ART1: variants seen among roughly 807,000 people sequenced by gnomAD.
The protein encoded by ART1 is GPI-linked NAD(P)(+)--arginine ADP-ribosyltransferase 1.
In ART1, 29 loss-of-function variants were observed where a neutral mutation model predicts 27.0. The ratio of observed to expected loss-of-function variants is 1.08; its 90% CI spans 0.80 to 1.47. The LOEUF (loss-of-function observed/expected upper bound fraction) is 1.47, where lower values mean the gene tolerates loss of function less well. Among genes scored for constraint, ART1 ranks in the 40% most tolerant of loss-of-function variants. ART1 has a pLI of 0.00. For missense variants in ART1, 480 were observed against 423.0 expected (o/e 1.13, Z -1.18); for synonymous variants, 201 against 172.2 (o/e 1.17, Z -1.31).
intron 3 of ART1, 32 bp downstream of exon 3, chr11:3,660,395 C>G (rs751044850): frequency 6.4e-7 from 1 of 1,572,712 alleles, no homozygotes; most frequent in Admixed American, 1.7e-5. Flanking sequence ...GGCACCTGTG[C>G]GGAAGGTGGA....
intron 1 of ART1, among the ~76,000 whole-genome samples, chr11:3,648,514 C>T (rs1006480657): frequency 1.3e-5 from 2 of 152,172 alleles, no homozygotes; most frequent in African/African-American, 2.4e-5. Flanking sequence ...AACCTCTTTC[C>T]CCTTTCAATC....
rs545730767 is a variant in ART1, at chr11:3,659,974, A to G, written c.455A>G (p.Lys152Arg). The change falls in exon 3 of 5, where the codon AAG (lysine) becomes AGG (arginine). Residue 152 changes from lysine (K) to arginine (R), a missense_variant. By Grantham distance (26) the Lys-to-Arg change is conservative. Coordinates refer to ENST00000250693, the MANE Select transcript of ART1 (RefSeq NM_004314.3). ...RAHYLHHFSF[K>R]TLHFLLTEAL... Reference sequence around the variant, plus strand: ...CACTACCTCCACCACTTCTCCTTCAAGACACTCCATTTCCTGCTGACTGAG... The same window carrying G: ...CACTACCTCCACCACTTCTCCTTCAGGACACTCCATTTCCTGCTGACTGAG... The G allele has an allele frequency of 7.4e-6, 12 of 1,614,002 alleles. No individual in the cohort carries two copies. Among genetic ancestry groups the G allele is most frequent in the Middle Eastern group, 1.6e-4 (1 of 6,062 alleles).
intron 4 of ART1, among the ~76,000 whole-genome samples, chr11:3,663,440 TC>T (rs1315567507): frequency 1.3e-5 from 2 of 152,174 alleles, no homozygotes; most frequent in Non-Finnish European, 2.9e-5. Flanking sequence ...CCACAGCAGA[TC>T]CCACTCTGAT....
chr11:3,655,209 C>G (rs963149292), intron 1 of ART1, among the ~76,000 whole-genome samples: 1 of 152,150 alleles, frequency 6.6e-6, no homozygotes, highest in Non-Finnish European at 1.5e-5. Flanking sequence ...AAGAATCTTC[C>G]AAAGAAAAGA....
rs150462911 is a variant in ART1 at position 3,660,033 on chromosome 11, C to T, written c.514C>T (p.Pro172Ser). The stretch of plus-strand genomic sequence containing the variant: ...GCTCCTGGGCAGCGGCCAGCGTCCA[C>T]CCCGGTGCCACCAGGTGTTCCGAGG... ...LQLLGSGQRP[P>S]RCHQVFRGVH... The change falls in exon 3 of 5, where the codon CCC becomes TCC. Residue 172 changes from proline to serine, a missense_variant. Pro to Ser is a moderately conservative substitution (Grantham distance 74). Transcript: ENST00000250693. The T allele has an allele frequency of 1.2e-6, 2 of 1,613,692 alleles. No homozygotes were observed. The highest frequency in any genetic ancestry group is 1.7e-6 in the Non-Finnish European group (2 of 1,179,948).
chr11:3,654,989 A>C (rs1350501146), intron 1 of ART1, among the ~76,000 whole-genome samples: 1 of 152,194 alleles, frequency 6.6e-6, no homozygotes, highest in Non-Finnish European at 1.5e-5. Context: ...CTGCATAACT[A>C]TTTTGCCGTG....
At chr11:3,658,388 C>A (rs1271184531) in intron 1 of ART1, among the ~76,000 whole-genome samples, 2 of 151,866 alleles carry the variant, frequency 1.3e-5, no homozygotes, top group African/African-American at 4.8e-5. Context: ...CTGCTCCAAT[C>A]CAGACCCAAT....
intron 1 of ART1, among the ~76,000 whole-genome samples, chr11:3,646,111 C>T (rs186725893): frequency 6.6e-6 from 1 of 151,696 alleles, no homozygotes. Context: ...TGATTTTCAT[C>T]TCTGCATTTT....
intron 1 of ART1, among the ~76,000 whole-genome samples, chr11:3,648,813 T>C (rs1457380651): frequency 6.6e-6 from 1 of 151,964 alleles, no homozygotes; most frequent in East Asian, 1.9e-4. Context: ...CTTTTCTCTG[T>C]GTCTCTACCC....
chr11:3,648,414 G>C (rs2077487395), intron 1 of ART1, among the ~76,000 whole-genome samples: 1 of 152,150 alleles, frequency 6.6e-6, no homozygotes, highest in Non-Finnish European at 1.5e-5. Flanking sequence ...CAGGTCCTCA[G>C]ACCGACCAGC....
intron 1 of ART1, among the ~76,000 whole-genome samples, chr11:3,652,333 T>C (rs902479921): frequency 2.7e-5 from 4 of 150,162 alleles, no homozygotes; most frequent in African/African-American, 1.0e-4. Flanking sequence ...CTATACAGTC[T>C]GAAAACAGAC....
At chr11:3,654,671 A>G (rs1289048158) in intron 1 of ART1, among the ~76,000 whole-genome samples, 31 of 1,750 alleles carry the variant, frequency 0.018, 11 homozygotes, top group Middle Eastern at 1. Flanking sequence ...TCCACCTCCT[A>G]CCTCTGTCTA....
At chr11:3,650,513 A>G (rs1228302894) in intron 1 of ART1, among the ~76,000 whole-genome samples, 3 of 152,158 alleles carry the variant, frequency 2.0e-5, no homozygotes, top group Admixed American at 6.5e-5. Flanking sequence ...CTTAATCAAT[A>G]TGGAGGCTAC....
Position 3,660,035 on chromosome 11 carries a change from C to G in ART1, c.516C>G (p.Pro172=). Residue 172 remains proline (P), a synonymous_variant, in exon 3 of 5, where the codon CCC becomes CCG. Coordinates refer to ENST00000250693, the MANE Select transcript of ART1 (RefSeq NM_004314.3). The part of the protein sequence containing the change: ...LQLLGSGQRP[P]RCHQVFRGVH... ...TCCTGGGCAGCGGCCAGCGTCCACC[C>G]CGGTGCCACCAGGTGTTCCGAGGTG... is the stretch of plus-strand genomic sequence containing the variant. 1 of 1,613,820 alleles carries G rather than the reference C, an allele frequency of 6.2e-7. No individual in the cohort carries two copies. The highest frequency in any genetic ancestry group is 1.6e-4 in the Middle Eastern group (1 of 6,062).
chr11:3,653,052 C>A (rs1396730556), intron 1 of ART1, among the ~76,000 whole-genome samples: 1 of 148,230 alleles, frequency 6.7e-6, no homozygotes. Context: ...CCCCTTACCA[C>A]AAAATCTTCG....
chr11:3,646,920 C>T (rs1195353653), intron 1 of ART1, among the ~76,000 whole-genome samples: 1 of 152,100 alleles, frequency 6.6e-6, no homozygotes, highest in African/African-American at 2.4e-5. Flanking sequence ...TAACATTGTG[C>T]CTATAGTAAC....
chr11:3,661,807 C>CT (rs3832722), intron 4 of ART1, among the ~76,000 whole-genome samples: 6,366 of 152,236 alleles, frequency 0.042, 307 homozygotes, highest in East Asian at 0.24. Context: ...CCACCTGAAT[C>CT]TTTTATAAGG....
chr11:3,652,685 G>C (rs559954795), intron 1 of ART1, among the ~76,000 whole-genome samples: 2 of 151,816 alleles, frequency 1.3e-5, no homozygotes, highest in East Asian at 3.9e-4. Flanking sequence ...ACTATCTTCT[G>C]TCTAGTCATA....
At chr11:3,655,159 T>C (rs1447018135) in intron 1 of ART1, among the ~76,000 whole-genome samples, 5 of 152,134 alleles carry the variant, frequency 3.3e-5, no homozygotes, top group Non-Finnish European at 7.3e-5. Flanking sequence ...TGGGCTCAGG[T>C]CTGTTCCTCA....
Sources: gnomAD v4.1 joint callset for allele counts (sites outside exome capture counted in the v4.1 genomes callset) on GRCh38, gnomAD v4.1.1 for gene constraint, MANE v1.5 for transcripts, NCBI Gene and HGNC (gene_info 2026-07-23, HGNC 2026-07-21) for gene names.